CFAP299: variants seen among roughly 807,000 people sequenced by gnomAD.
CFAP299 encodes cilia and flagella associated protein 299.
Under a neutral mutation model 27.0 loss-of-function variants are expected in CFAP299, and 21 were observed. That is an observed-to-expected ratio of 0.78 (90% CI 0.55 to 1.12). The LOEUF is 1.12. Among genes scored for constraint, CFAP299 ranks in the 50% most tolerant of loss-of-function variants. The pLI, the probability that CFAP299 is intolerant of heterozygous loss-of-function variation, is 0.00. For synonymous variants in CFAP299, 104 were observed against 98.1 expected (o/e 1.06, Z -0.36); for missense variants, 310 against 276.6 (o/e 1.12, Z -0.86).
chr4:80,600,521 G>A (rs770488008), intron 3 of CFAP299, among the ~76,000 whole-genome samples: 4 of 152,086 alleles, frequency 2.6e-5, no homozygotes, highest in African/African-American at 7.2e-5. Flanking sequence ...GACTCCCTGT[G>A]CTGCTGTGAG....
At chr4:80,868,992 A>C (rs1045782008) in intron 3 of CFAP299, among the ~76,000 whole-genome samples, 9 of 150,976 alleles carry the variant, frequency 6.0e-5, no homozygotes, top group Non-Finnish European at 1.2e-4. Flanking sequence ...TTGATGGTGA[A>C]AAGATGTCCA....
rs377255336 is a variant in CFAP299 at position 80,919,957 on chromosome 4, A to C, written c.477-24853A>C. On this transcript the variant is annotated intron_variant, in intron 4 of 5. Coordinates refer to ENST00000358105, the MANE Select transcript of CFAP299 (RefSeq NM_152770.3). ...GTAGGCTACAAACATTAGTTCTTAT[A>C]ATTCTCTAAGAACTATCTGACCTGT... 6.6e-5 allele frequency among the ~76,000 whole-genome samples: 10 copies of C among 152,200 alleles called. No individual in the cohort carries two copies. In the East Asian group the frequency reaches 7.7e-4, roughly 12 times the overall value.
chr4:80,606,552 T>C (rs1466987103), intron 3 of CFAP299, among the ~76,000 whole-genome samples: 3 of 152,112 alleles, frequency 2.0e-5, no homozygotes, highest in Admixed American at 6.6e-5. Flanking sequence ...AAAAGATATG[T>C]AGCCATAGCT....
intron 3 of CFAP299, among the ~76,000 whole-genome samples, chr4:80,641,831 A>C (rs1739742348): frequency 6.6e-6 from 1 of 152,218 alleles, no homozygotes. Context: ...GTGGCATGTG[A>C]GATAAATAGA....
intron 3 of CFAP299, among the ~76,000 whole-genome samples, chr4:80,656,715 A>G (rs1740576130): frequency 6.6e-6 from 1 of 152,146 alleles, no homozygotes; most frequent in African/African-American, 2.4e-5. Context: ...TAGTAGAATG[A>G]TTTATAATCC....
At chr4:80,850,064 T>C (rs1372375385) in intron 3 of CFAP299, among the ~76,000 whole-genome samples, 1 of 152,056 alleles carries the variant, frequency 6.6e-6, no homozygotes, top group East Asian at 1.9e-4. Flanking sequence ...AACAACCCAA[T>C]AGAAAATAAA....
chr4:80,932,992 T>A (rs1256792338), intron 4 of CFAP299, among the ~76,000 whole-genome samples: 1 of 152,186 alleles, frequency 6.6e-6, no homozygotes, highest in African/African-American at 2.4e-5. Context: ...ATCTTCTATA[T>A]TCCATTTTAT....
intron 3 of CFAP299, among the ~76,000 whole-genome samples, chr4:80,857,768 G>A (rs1369672060): frequency 6.6e-6 from 1 of 152,168 alleles, no homozygotes; most frequent in Non-Finnish European, 1.5e-5. Context: ...ACTTGATCAT[G>A]GTGGATAAGC....
intron 3 of CFAP299, among the ~76,000 whole-genome samples, chr4:80,821,723 G>A (rs989563633): frequency 6.6e-6 from 1 of 152,144 alleles, no homozygotes; most frequent in Non-Finnish European, 1.5e-5. Flanking sequence ...GCAGAGACTT[G>A]TTACTGATGG....
chr4:80,623,731 A>C (rs959159209), intron 3 of CFAP299, among the ~76,000 whole-genome samples: 1 of 152,184 alleles, frequency 6.6e-6, no homozygotes, highest in African/African-American at 2.4e-5. Flanking sequence ...TTGGACCCCA[A>C]TACTGACACC....
At chr4:80,614,678 G>A (rs1397130436) in intron 3 of CFAP299, among the ~76,000 whole-genome samples, 3 of 151,978 alleles carry the variant, frequency 2.0e-5, no homozygotes, top group South Asian at 2.1e-4. Context: ...TGTTTCTTAA[G>A]TTGACAGATT....
chr4:80,737,901 ATCC>A (rs1724008050), intron 3 of CFAP299, among the ~76,000 whole-genome samples: 1 of 152,146 alleles, frequency 6.6e-6, no homozygotes. Flanking sequence ...CTTTCACTGT[ATCC>A]CAGAGATTTT....
At chr4:80,535,049 A>G (rs1733657196) in intron 2 of CFAP299, among the ~76,000 whole-genome samples, 1 of 152,158 alleles carries the variant, frequency 6.6e-6, no homozygotes, top group African/African-American at 2.4e-5. Flanking sequence ...TGTATGACAG[A>G]GAGGAGAGAC....
At chr4:80,897,537 A>G (rs1316952879) in intron 4 of CFAP299, among the ~76,000 whole-genome samples, 2 of 152,176 alleles carry the variant, frequency 1.3e-5, no homozygotes, top group African/African-American at 4.8e-5. Context: ...AACAGATTCT[A>G]GGTTTAGCTT....
At chr4:80,610,065 G>T (rs1737887537) in intron 3 of CFAP299, among the ~76,000 whole-genome samples, 2 of 152,018 alleles carry the variant, frequency 1.3e-5, no homozygotes, top group Non-Finnish European at 2.9e-5. Context: ...GATTTGCAGA[G>T]AATTTGCTTA....
chr4:80,915,925 C>A (rs1735728342), intron 4 of CFAP299, among the ~76,000 whole-genome samples: 1 of 151,768 alleles, frequency 6.6e-6, no homozygotes. Context: ...GGCGACCAGT[C>A]ATTTCTACTT....
chr4:80,703,865 A>G (rs566219131), intron 3 of CFAP299, among the ~76,000 whole-genome samples: 3 of 151,828 alleles, frequency 2.0e-5, no homozygotes, highest in East Asian at 1.9e-4. Context: ...TCTTATTCAG[A>G]TTAAGAATAA....
At chr4:80,560,513 G>A (rs1220334564) in intron 2 of CFAP299, among the ~76,000 whole-genome samples, 4 of 151,896 alleles carry the variant, frequency 2.6e-5, no homozygotes, top group Non-Finnish European at 5.9e-5. Context: ...GGGCTTTTGG[G>A]GTCCCCGATT....
chr4:80,697,025 A>C (rs551840829), intron 3 of CFAP299, among the ~76,000 whole-genome samples: 14 of 152,336 alleles, frequency 9.2e-5, no homozygotes, highest in Non-Finnish European at 1.6e-4. Context: ...AAGCAGTTAA[A>C]TCATTAAAAA....
Sources: allele counts gnomAD v4.1 joint callset (sites outside exome capture counted in the v4.1 genomes callset), GRCh38; gene constraint gnomAD v4.1.1; transcripts MANE v1.5; gene names NCBI Gene and HGNC (gene_info 2026-07-23, HGNC 2026-07-21).